ARHGAP45: variants seen among roughly 807,000 people sequenced by gnomAD.
The protein encoded by ARHGAP45 is rho GTPase-activating protein 45.
In ARHGAP45, 56 loss-of-function variants were observed where a neutral mutation model predicts 116.1. That is an observed-to-expected ratio of 0.48 (90% CI 0.39 to 0.60). The LOEUF (loss-of-function observed/expected upper bound fraction) is 0.60. ARHGAP45 is among the 20% of genes least tolerant of loss of function. The pLI is 0.00. For synonymous variants in ARHGAP45, 866 were observed against 701.7 expected, an observed-to-expected ratio of 1.23 and a Z score of -3.70; for missense variants, 1,622 against 1,601.0, an observed-to-expected ratio of 1.01 and a Z score of -0.22.
chr19:1,066,576 G>A, upstream of ARHGAP45: 1 of 182,810 alleles, frequency 5.5e-6, no homozygotes, highest in Non-Finnish European at 1.2e-5. Context: ...CCCCTGTGCA[G>A]GCAGCCCAGG....
Position 1,071,271 on chromosome 19 carries a change from C to T in ARHGAP45, c.422-1878C>T. 1 of 1,480,416 alleles carries T rather than the reference C, an allele frequency of 6.8e-7. No homozygotes were observed. Among genetic ancestry groups the T allele is most frequent in the Admixed American group, 2.2e-5 (1 of 46,348 alleles). 91.7% of individuals were successfully genotyped at this position (1,480,416 alleles called of 1,614,324 possible). On this transcript the variant is annotated intron_variant, in intron 2 of 22. Coordinates refer to ENST00000313093, the MANE Select transcript of ARHGAP45 (RefSeq NM_012292.5). This position sits in a 1 kb window ranked among gnomAD's most constrained non-coding sequence, Gnocchi z 4.6. Reference sequence around the variant, plus strand: ...AGGCCCCACGCGCTCGCGGTCTCCGCGCCCCGACGGCTGCGCCATGTGTAT... The same window carrying T: ...AGGCCCCACGCGCTCGCGGTCTCCGTGCCCCGACGGCTGCGCCATGTGTAT...
At chr19:1,075,032 C>CA (rs988230088) in intron 10 of ARHGAP45, among the ~76,000 whole-genome samples, 153 bp downstream of exon 10, 4 of 132,970 alleles carry the variant, frequency 3.0e-5, no homozygotes, top group Non-Finnish European at 3.4e-5. Context: ...GGGCCGCCCC[C>CA]CCCAACGCCA....
At chr19:1,074,502 C>A (rs988974785) in intron 8 of ARHGAP45, 95 bp downstream of exon 8, 223 of 1,402,932 alleles carry the variant, frequency 1.6e-4, no homozygotes, top group Non-Finnish European at 2.1e-4. Context: ...CAGGGGCTTC[C>A]CCTCTACATT....
At chr19:1,065,994 A>G (rs1372098751), upstream of ARHGAP45, 5 of 1,530,634 alleles carry the variant, frequency 3.3e-6, no homozygotes, top group Non-Finnish European at 3.5e-6. Flanking sequence ...CATCCAGCTG[A>G]CCCTCACCCT....
intron 19 of ARHGAP45, among the ~76,000 whole-genome samples, chr19:1,082,217 GC>G (rs1370063561): frequency 8.7e-5 from 13 of 148,674 alleles, no homozygotes; most frequent in Middle Eastern, 3.5e-3. Flanking sequence ...GCGGGGTGGG[GC>G]TTGGTCAGCA....
chr19:1,082,508 G>A (rs1599771243), intron 19 of ARHGAP45: 2 of 408,082 alleles, frequency 4.9e-6, no homozygotes, highest in East Asian at 8.9e-5. Context: ...GGGCGGAGCT[G>A]GGCTGGGATG....
Position 1,067,500 on chromosome 19 carries a change from G to A in ARHGAP45, c.90+5G>A. The A allele has an allele frequency of 1.9e-6, 3 of 1,593,094 alleles. No homozygotes were observed. Among genetic ancestry groups the A allele is most frequent in the Non-Finnish European group, 2.6e-6 (3 of 1,170,710 alleles). The stretch of plus-strand genomic sequence containing the variant: ...CCCAGCCCGCAGCCCTCGGGGGTGA[G>A]TGGAGCCCGGGTGAGACCCGGAGCT... On this transcript the variant is annotated splice_donor_5th_base_variant and intron_variant, in intron 1 of 22. Coordinates refer to ENST00000313093, the MANE Select transcript of ARHGAP45 (RefSeq NM_012292.5).
Position 1,067,479 on chromosome 19 carries a change from G to A in ARHGAP45, c.74G>A (p.Ser25Asn), listed in dbSNP as rs919362013. 1.9e-6 allele frequency: 3 copies of A among 1,603,486 alleles called. No homozygotes were observed. Among genetic ancestry groups the A allele is most frequent in the South Asian group, 2.2e-5 (2 of 89,776 alleles). ...AAAAAGAACCGCGCGGGAAGCCCCA[G>A]CCCGCAGCCCTCGGGGGTGAGTGGA... Reference protein sequence around the residue: ...ISKKNRAGSPSPQPSGELPRK... With the variant: ...ISKKNRAGSPNPQPSGELPRK... The change falls in exon 1 of 23, where the codon AGC (serine) becomes AAC (asparagine). Residue 25 changes from serine to asparagine, a missense_variant. Transcript: ENST00000313093.
In ARHGAP45 at chr19:1,080,252, T is replaced by C; in HGVS notation, c.1704-3T>C. On this transcript the variant is annotated splice_polypyrimidine_tract_variant and splice_region_variant and intron_variant, in intron 13 of 22. Coordinates refer to ENST00000313093, the MANE Select transcript of ARHGAP45 (RefSeq NM_012292.5). ...CCCTCCTTTTCCCGGTTTCTTCCAC[T>C]AGGTCCCCCGTCATGCGTGCCCGGA... The C allele has an allele frequency of 6.2e-7, 1 of 1,612,504 alleles. No homozygotes were observed. The highest frequency in any genetic ancestry group is 1.7e-4 in the Middle Eastern group (1 of 6,058).
intron 17 of ARHGAP45, 138 bp from the exon 18 acceptor site, chr19:1,081,412 G>C (rs948840727): frequency 1.1e-6 from 1 of 924,212 alleles, no homozygotes; most frequent in Non-Finnish European, 1.6e-6. Flanking sequence ...TGGAAGCCAC[G>C]AGCCACTGTC....
intron 3 of ARHGAP45, 89 bp downstream of exon 3, chr19:1,073,381 C>T: frequency 1.9e-6 from 3 of 1,579,912 alleles, no homozygotes; most frequent in Non-Finnish European, 1.7e-6. Flanking sequence ...TTGAAGGATG[C>T]ATAGGAGTTT....
At chr19:1,067,887 T>A (rs987586603) in intron 1 of ARHGAP45, among the ~76,000 whole-genome samples, 2 of 141,738 alleles carry the variant, frequency 1.4e-5, no homozygotes, top group South Asian at 2.3e-4. Context: ...GGGCAGCAGA[T>A]CCTCTAATGG....
chr19:1,085,131 G>A (rs571129111), intron 22 of ARHGAP45, among the ~76,000 whole-genome samples: 2 of 152,294 alleles, frequency 1.3e-5, no homozygotes, highest in Admixed American at 1.3e-4. Context: ...GAGGTTTAAT[G>A]GAGTTACAGT....
At position 1,080,552 on chromosome 19, in the gene ARHGAP45, G is replaced by A. The variant is rs112654900; in HGVS notation, c.1912+5G>A. On this transcript the variant is annotated splice_donor_5th_base_variant and intron_variant, in intron 15 of 22. Transcript: ENST00000313093. ...TGGACCCCGGCCCTGGCGCAGGTGA[G>A]GGAGGCTCTCTGGCGGGCTGGGGTG... 126 of 1,612,646 alleles carry A rather than the reference G, an allele frequency of 7.8e-5. No individual in the cohort carries two copies. In the African/African-American group the frequency reaches 1.3e-3, roughly 17 times the overall value.
At position 1,080,800 on chromosome 19, in the gene ARHGAP45, G is replaced by T; in HGVS notation, c.2017+14G>T. On this transcript the variant is annotated intron_variant, in intron 16 of 22. Coordinates refer to ENST00000313093, the MANE Select transcript of ARHGAP45 (RefSeq NM_012292.5). ...CCTTTGAGCAGGGTGAGGGTCCCCT[G>T]ACGGGGCTGGAGAGAGAGGGGGGTT... 1 of 1,612,770 alleles carries T rather than the reference G, an allele frequency of 6.2e-7. No homozygotes were observed. Among genetic ancestry groups the T allele is most frequent in the Non-Finnish European group, 8.5e-7 (1 of 1,179,662 alleles).
chr19:1,073,661 G>A lies in ARHGAP45; in HGVS notation c.651-13G>A, dbSNP rs770496741. 17 of 1,608,240 alleles carry A rather than the reference G, an allele frequency of 1.1e-5. No homozygotes were observed. The highest frequency in any genetic ancestry group is 4.0e-5 in the African/African-American group (3 of 74,796). On this transcript the variant is annotated splice_polypyrimidine_tract_variant and intron_variant, in intron 4 of 22. Coordinates refer to ENST00000313093, the MANE Select transcript of ARHGAP45 (RefSeq NM_012292.5). ...CCGGGTGTCTCTCGATGGTGACCTC[G>A]CTGGCCCTGCAGAGTGTCCGAGTTC...
At position 1,074,904 on chromosome 19, in the gene ARHGAP45, C is replaced by A. The variant is rs933094151; in HGVS notation, c.1185+25C>A. 1.1e-4 allele frequency: 11 copies of A among 100,160 alleles called. No homozygotes were observed. The East Asian group carries it at 3.8e-3, about 35-fold the overall frequency. 6.2% of individuals were successfully genotyped at this position (100,160 alleles called of 1,614,324 possible). A position where few individuals can be genotyped will look rare whatever the true frequency, so the allele number is the denominator to read the frequency against. Reference sequence around the variant, plus strand: ...GGTGAGGCGGGCGGGCGGGGGCGGGCGGGGGCGGGCAGCGGGCCTCGGCGC... The same window carrying A: ...GGTGAGGCGGGCGGGCGGGGGCGGGAGGGGGCGGGCAGCGGGCCTCGGCGC... On this transcript the variant is annotated intron_variant, in intron 10 of 22. Transcript: ENST00000313093.
At chr19:1,072,366 G>A (rs1231435745) in intron 2 of ARHGAP45, among the ~76,000 whole-genome samples, 2 of 152,116 alleles carry the variant, frequency 1.3e-5, no homozygotes, top group African/African-American at 4.8e-5. Flanking sequence ...GGCCCTCTCT[G>A]CTTTTTTCTT....
At chr19:1,080,651 G>A in intron 15 of ARHGAP45, 31 bp from the exon 16 acceptor site, 3 of 1,610,100 alleles carry the variant, frequency 1.9e-6, no homozygotes, top group Non-Finnish European at 2.5e-6. Flanking sequence ...CCCTGGCTGG[G>A]GGAGTCTGAA....
Sources: gnomAD v4.1 joint callset for allele counts (sites outside exome capture counted in the v4.1 genomes callset) on GRCh38, gnomAD v4.1.1 for gene constraint, Gnocchi (gnomAD v3.1) non-coding constraint, MANE v1.5 for transcripts, NCBI Gene and HGNC (gene_info 2026-07-23, HGNC 2026-07-21) for gene names.